The following CDH18 variants were observed in gnomAD, a reference collection of about 807,000 sequenced individuals.
CDH18 encodes cadherin-18.
In CDH18, 31 loss-of-function variants were observed where a neutral mutation model predicts 67.9. The ratio of observed to expected loss-of-function variants is 0.46; its 90% CI spans 0.34 to 0.62. The LOEUF is 0.62. Among genes scored for constraint, CDH18 ranks in the 20% least tolerant of loss-of-function variants. The pLI, the probability that CDH18 is intolerant of heterozygous loss-of-function variation, is 0.01. For missense variants in CDH18, 890 were observed against 975.5 expected (o/e 0.91, Z 1.17); for synonymous variants, 362 against 347.2 (o/e 1.04, Z -0.48).
chr5:19,493,763 T>C (rs1561191734), intron 11 of CDH18, among the ~76,000 whole-genome samples: 1 of 152,188 alleles, frequency 6.6e-6, no homozygotes, highest in Non-Finnish European at 1.5e-5. Context: ...TTAGAGAAAG[T>C]TTATTTTACA....
chr5:19,993,928 A>G (rs973174080), intron 2 of CDH18, among the ~76,000 whole-genome samples: 2 of 152,134 alleles, frequency 1.3e-5, no homozygotes, highest in African/African-American at 4.8e-5. Flanking sequence ...TTATTATGCC[A>G]CGCTTCCTCT....
chr5:20,280,339 C>T (rs1746154375), intron 1 of CDH18, among the ~76,000 whole-genome samples: 6 of 152,034 alleles, frequency 3.9e-5, no homozygotes, highest in Admixed American at 3.9e-4. Context: ...AGGTTTATCT[C>T]CTAATGCTAT....
chr5:20,449,542 G>A (rs568349859), intron 1 of CDH18, among the ~76,000 whole-genome samples: 1 of 151,774 alleles, frequency 6.6e-6, no homozygotes, highest in African/African-American at 2.4e-5. Flanking sequence ...AACTGGTCTA[G>A]GTCATGTTTT....
At chr5:20,356,185 C>A (rs186563055) in intron 1 of CDH18, among the ~76,000 whole-genome samples, 1 of 152,122 alleles carries the variant, frequency 6.6e-6, no homozygotes, top group Non-Finnish European at 1.5e-5. Context: ...GCATTTGAGA[C>A]CAGCTTGGCT....
chr5:19,627,713 C>CCA (rs1751767347), intron 5 of CDH18, among the ~76,000 whole-genome samples: 1 of 152,042 alleles, frequency 6.6e-6, no homozygotes, highest in South Asian at 2.1e-4. Flanking sequence ...TACTGGCATG[C>CCA]CACTGACTGC....
chr5:20,210,950 G>A (rs1740305266), intron 2 of CDH18, among the ~76,000 whole-genome samples: 1 of 151,872 alleles, frequency 6.6e-6, no homozygotes, highest in African/African-American at 2.4e-5. Flanking sequence ...ATAAAAGTAA[G>A]ATTAGATAAA....
intron 2 of CDH18, among the ~76,000 whole-genome samples, chr5:19,909,927 G>T (rs148436503): frequency 6.6e-6 from 1 of 152,008 alleles, no homozygotes; most frequent in East Asian, 1.9e-4. Flanking sequence ...CTACATATGC[G>T]TTGAATTGTA....
intron 3 of CDH18, among the ~76,000 whole-genome samples, chr5:19,748,112 C>CAA (rs766955714): frequency 0.076 from 1,128 of 14,812 alleles, 220 homozygotes; most frequent in African/African-American, 0.16. Flanking sequence ...GACTCCATCT[C>CAA]AAAAAAAAAA....
chr5:20,550,315 C>G (rs1323657411), intron 1 of CDH18, among the ~76,000 whole-genome samples: 1 of 152,122 alleles, frequency 6.6e-6, no homozygotes, highest in African/African-American at 2.4e-5. Context: ...AGAGTCCTAT[C>G]AGGTATGAAG....
At chr5:20,529,151 G>A (rs1274877721) in intron 1 of CDH18, among the ~76,000 whole-genome samples, 10 of 151,824 alleles carry the variant, frequency 6.6e-5, no homozygotes, top group Admixed American at 6.6e-4. Context: ...TAGAAGAAAT[G>A]GATAAATTCC....
chr5:19,704,352 A>G (rs1763665986), intron 5 of CDH18, among the ~76,000 whole-genome samples: 1 of 152,122 alleles, frequency 6.6e-6, no homozygotes, highest in Non-Finnish European at 1.5e-5. Context: ...TTGCTCTGTG[A>G]ATGGCCTGAT....
chr5:19,717,207 G>A (rs1765444559), intron 5 of CDH18, among the ~76,000 whole-genome samples: 2 of 152,032 alleles, frequency 1.3e-5, no homozygotes, highest in Non-Finnish European at 2.9e-5. Context: ...TGGTCATCAG[G>A]AAGATTCAGT....
intron 5 of CDH18, among the ~76,000 whole-genome samples, chr5:19,639,001 T>TTTTTTTTTTTTTTTTTTTTTTTGTTTG (rs1554066473): frequency 1.1e-5 from 1 of 88,136 alleles, no homozygotes; most frequent in Non-Finnish European, 2.4e-5. Flanking sequence ...TTTTTTTTTT[T>TTTTTTTTTTTTTTTTTTTTTTTGTTTG]TTTGTTTGTT....
intron 1 of CDH18, among the ~76,000 whole-genome samples, chr5:20,359,602 G>A (rs149424150): frequency 2.0e-5 from 3 of 152,284 alleles, no homozygotes; most frequent in Non-Finnish European, 2.9e-5. Flanking sequence ...TGGAGTTGAA[G>A]TGTTTTAACC....
In CDH18 at chr5:20,497,878, C is replaced by T. The variant is rs368031297; in HGVS notation, c.-580+77584G>A. ...ACCTAATCACCAGTCTGATGCTATTCGGAGGTGAGGACTTCGTGAGGTAAT... is the reference window on the plus strand; with the variant it reads ...ACCTAATCACCAGTCTGATGCTATTTGGAGGTGAGGACTTCGTGAGGTAAT... On this transcript the variant is annotated intron_variant, in intron 1 of 14. Coordinates refer to the CDH18 transcript ENST00000507958. Among the ~76,000 whole-genome samples the T allele has an allele frequency of 4.6e-5, 7 of 152,018 alleles. No homozygotes were observed. In the South Asian group the frequency reaches 1.5e-3, roughly 31 times the overall value.
At chr5:20,452,736 G>A (rs954657217) in intron 1 of CDH18, among the ~76,000 whole-genome samples, 5 of 151,908 alleles carry the variant, frequency 3.3e-5, no homozygotes, top group African/African-American at 1.2e-4. Flanking sequence ...TAACAAACTT[G>A]CACACGTACC....
intron 5 of CDH18, among the ~76,000 whole-genome samples, chr5:19,624,154 T>C (rs997837569): frequency 2.6e-5 from 4 of 151,934 alleles, no homozygotes; most frequent in Admixed American, 1.3e-4. Context: ...ATTGCGGGCG[T>C]GCACCACCAT....
At chr5:20,292,672 C>T (rs1420505959) in intron 1 of CDH18, among the ~76,000 whole-genome samples, 2 of 152,096 alleles carry the variant, frequency 1.3e-5, no homozygotes, top group Admixed American at 6.5e-5. Flanking sequence ...GAACGTGTTC[C>T]ATGCTTTTTT....
chr5:20,170,726 CA>C (rs1374749992), intron 2 of CDH18, among the ~76,000 whole-genome samples: 11 of 152,108 alleles, frequency 7.2e-5, no homozygotes, highest in African/African-American at 2.4e-4. Context: ...ATTTTAGGTT[CA>C]GGGGTACATG....
Sources: allele counts gnomAD v4.1 joint callset (sites outside exome capture counted in the v4.1 genomes callset), GRCh38; gene constraint gnomAD v4.1.1; transcripts MANE v1.5; gene names NCBI Gene and HGNC (gene_info 2026-07-23, HGNC 2026-07-21).